Variants in NALCN observed in about 807,000 individuals in gnomAD.
NALCN encodes sodium leak channel, non-selective, also known as sodium leak channel NALCN.
Under a neutral mutation model 225.3 loss-of-function variants are expected in NALCN, and 111 were observed. That is an observed-to-expected ratio of 0.49 (90% CI 0.42 to 0.58). NALCN has a LOEUF of 0.58. NALCN is among the 20% of genes least tolerant of loss of function. NALCN has a pLI of 0.00. For synonymous variants in NALCN, 764 were observed against 769.0 expected (o/e 0.99, Z 0.11); for missense variants, 1,378 against 2,202.4 (o/e 0.63, Z 7.49).
In NALCN at chr13:101,376,227, T is replaced by C. The variant is rs574096627; in HGVS notation, c.644+473A>G. ...GTGAAGCTCTAGGTTTATGTTATTA[T>C]GTTAGCACACTCCCCATTTTGCCAC... On this transcript the variant is annotated intron_variant, in intron 6 of 43. Transcript: ENST00000251127. 1.6e-4 allele frequency among the ~76,000 whole-genome samples: 25 copies of C among 152,344 alleles called. No individual in the cohort carries two copies. The East Asian group carries it at 3.5e-3, about 21-fold the overall frequency.
chr13:101,125,589 G>A (rs991796616), intron 17 of NALCN, among the ~76,000 whole-genome samples: 3 of 152,102 alleles, frequency 2.0e-5, no homozygotes, highest in African/African-American at 7.2e-5. Context: ...GAAGACAAGG[G>A]TAGGACACAT....
intron 11 of NALCN, among the ~76,000 whole-genome samples, chr13:101,252,101 T>A (rs1315832119): frequency 6.6e-6 from 1 of 152,194 alleles, no homozygotes; most frequent in African/African-American, 2.4e-5. Flanking sequence ...GGTATACACC[T>A]CACTCAAGAT....
chr13:101,074,787 T>A, intron 35 of NALCN, 125 bp from the exon 36 acceptor site: 2 of 1,151,610 alleles, frequency 1.7e-6, no homozygotes, highest in South Asian at 2.0e-5. Context: ...TAGCAACTAA[T>A]CTTTAAGCAG....
intron 36 of NALCN, 44 bp from the exon 37 acceptor site, chr13:101,073,721 G>A (rs777132074): frequency 2.6e-6 from 4 of 1,529,858 alleles, no homozygotes; most frequent in Non-Finnish European, 3.6e-6. Context: ...ATTATAGAAG[G>A]GTTTGTCATG....
chr13:101,306,826 C>A (rs913913567), intron 7 of NALCN, among the ~76,000 whole-genome samples: 3 of 152,128 alleles, frequency 2.0e-5, no homozygotes, highest in Admixed American at 2.0e-4. Flanking sequence ...TGGATCCTGC[C>A]CTCCATGCAA....
chr13:101,114,878 T>C (rs1446904826), intron 18 of NALCN, among the ~76,000 whole-genome samples: 1 of 152,186 alleles, frequency 6.6e-6, no homozygotes, highest in East Asian at 1.9e-4. Flanking sequence ...TCTGGTCTCA[T>C]CTTTACCAGG....
intron 10 of NALCN, among the ~76,000 whole-genome samples, chr13:101,279,734 G>A (rs71439701): frequency 0.24 from 35,288 of 145,708 alleles, 4,733 homozygotes; most frequent in Non-Finnish European, 0.3. Flanking sequence ...GGAGAATGGC[G>A]TGAACCCGGG....
intron 1 of NALCN, among the ~76,000 whole-genome samples, chr13:101,414,363 C>A (rs997901462): frequency 4.6e-5 from 7 of 152,170 alleles, no homozygotes; most frequent in African/African-American, 1.7e-4. Context: ...CAGTGCTTAG[C>A]TTATCTTAGG....
intron 14 of NALCN, among the ~76,000 whole-genome samples, chr13:101,185,272 C>T (rs1365762522): frequency 6.6e-6 from 1 of 152,202 alleles, no homozygotes; most frequent in Non-Finnish European, 1.5e-5. Flanking sequence ...CCATTTGTGT[C>T]AGCAAAATAT....
chr13:101,148,059 G>C (rs984101058), intron 15 of NALCN, among the ~76,000 whole-genome samples: 2 of 151,992 alleles, frequency 1.3e-5, no homozygotes, highest in African/African-American at 4.8e-5. Flanking sequence ...TGTTTGTGTG[G>C]CTCAAAGCAG....
At chr13:101,346,595 A>G (rs1264274770) in intron 6 of NALCN, among the ~76,000 whole-genome samples, 1 of 152,190 alleles carries the variant, frequency 6.6e-6, no homozygotes, top group African/African-American at 2.4e-5. Context: ...GAGGTGATTT[A>G]GTGATAGCTC....
intron 15 of NALCN, among the ~76,000 whole-genome samples, chr13:101,155,309 C>G (rs1243304485): frequency 6.6e-6 from 1 of 152,146 alleles, no homozygotes; most frequent in Non-Finnish European, 1.5e-5. Flanking sequence ...TCGTCTGATC[C>G]AGGAGCTCAT....
chr13:101,334,875 A>C (rs968402937), intron 7 of NALCN, among the ~76,000 whole-genome samples: 1 of 151,410 alleles, frequency 6.6e-6, no homozygotes, highest in Non-Finnish European at 1.5e-5. Flanking sequence ...GAGAGGGGAG[A>C]AGAAATGAGA....
At chr13:101,373,935 T>G (rs1388679703) in intron 6 of NALCN, among the ~76,000 whole-genome samples, 1 of 152,082 alleles carries the variant, frequency 6.6e-6, no homozygotes. Flanking sequence ...TATGTAAAGA[T>G]TTTTATATTC....
At chr13:101,318,142 G>A (rs777220434) in intron 7 of NALCN, among the ~76,000 whole-genome samples, 9 of 152,118 alleles carry the variant, frequency 5.9e-5, no homozygotes, top group Non-Finnish European at 7.4e-5. Flanking sequence ...CCAGTGGCAC[G>A]TTTGCCCAAG....
chr13:101,405,939 C>T (rs1456451443), intron 1 of NALCN, among the ~76,000 whole-genome samples: 1 of 151,992 alleles, frequency 6.6e-6, no homozygotes, highest in African/African-American at 2.4e-5. Context: ...ACCCAAATTA[C>T]GTTTACTGTC....
intron 2 of NALCN, among the ~76,000 whole-genome samples, chr13:101,397,991 G>A (rs970818460): frequency 3.3e-5 from 5 of 152,082 alleles, no homozygotes; most frequent in African/African-American, 9.7e-5. Flanking sequence ...GGAAAGCAAT[G>A]TGAACAATCC....
chr13:101,301,448 C>A (rs1335032065), intron 7 of NALCN, among the ~76,000 whole-genome samples: 1 of 152,150 alleles, frequency 6.6e-6, no homozygotes, highest in Middle Eastern at 3.2e-3. Flanking sequence ...AAAGGCCGGG[C>A]GCAGTGGCTC....
At chr13:101,055,517 C>T in intron 43 of NALCN, 29 bp from the exon 44 acceptor site, 1 of 1,590,618 alleles carries the variant, frequency 6.3e-7, no homozygotes, top group East Asian at 2.2e-5. Flanking sequence ...CTATGAGCCA[C>T]TTGGTATTGC....
Sources: allele counts gnomAD v4.1 joint callset (sites outside exome capture counted in the v4.1 genomes callset), GRCh38; gene constraint gnomAD v4.1.1; transcripts MANE v1.5; gene names NCBI Gene and HGNC (gene_info 2026-07-23, HGNC 2026-07-21).